ZDHHC15: variants seen among roughly 807,000 people sequenced by gnomAD.
ZDHHC15 encodes the protein zDHHC palmitoyltransferase 15.
ZDHHC15 carries 19 observed loss-of-function variants against 31.7 expected under a neutral mutation model. That is an observed-to-expected ratio of 0.60 (90% confidence interval 0.42 to 0.88). The LOEUF is 0.88. Ranked by LOEUF, ZDHHC15 falls within the 40% of genes least tolerant of loss-of-function variation. The probability of loss-of-function intolerance (pLI) is 0.00; values close to 1 mark genes in which losing one functional copy is unlikely to be tolerated. For synonymous variants in ZDHHC15, 103 were observed against 90.0 expected (o/e 1.14, Z -0.82); for missense variants, 209 against 251.2 (o/e 0.83, Z 1.14).
At chrX:75,497,822 C>T (rs991958926) in intron 2 of ZDHHC15, among the ~76,000 whole-genome samples, 3 of 111,176 alleles carry the variant, frequency 2.7e-5, no homozygotes, top group African/African-American at 9.8e-5. Context: ...AGAAGGGATA[C>T]ACCTTATGGC....
At chrX:75,480,917 A>T (rs1338239226) in intron 2 of ZDHHC15, among the ~76,000 whole-genome samples, 1 of 111,677 alleles carries the variant, frequency 9.0e-6, no homozygotes, top group African/African-American at 3.3e-5. Flanking sequence ...ACTGCCATTA[A>T]GAATATTTGT....
At chrX:75,404,649 G>T (rs2083391954) in intron 10 of ZDHHC15, among the ~76,000 whole-genome samples, 1 of 112,085 alleles carries the variant, frequency 8.9e-6, no homozygotes, top group African/African-American at 3.2e-5. Context: ...CTGATCATTA[G>T]AGAAATGCAA....
intron 10 of ZDHHC15, among the ~76,000 whole-genome samples, chrX:75,395,173 G>A (rs144741343): frequency 1.8e-5 from 2 of 111,575 alleles, no homozygotes; most frequent in East Asian, 5.6e-4. Flanking sequence ...TTTCACTACT[G>A]TGATTCAACA....
At chrX:75,399,575 G>T (rs1298244905) in intron 10 of ZDHHC15, among the ~76,000 whole-genome samples, 2 of 111,206 alleles carry the variant, frequency 1.8e-5, no homozygotes, top group African/African-American at 6.5e-5. Flanking sequence ...ACGACCCTTG[G>T]TCACAACCAC....
chrX:75,390,252 A>T (rs748248309), intron 10 of ZDHHC15, among the ~76,000 whole-genome samples: 1 of 112,448 alleles, frequency 8.9e-6, no homozygotes, highest in Non-Finnish European at 1.9e-5. Context: ...TGACTCCCAG[A>T]TGGCATCTCT....
Position 75,424,127 on chromosome X carries a change from A to G in ZDHHC15, c.736+525T>C, listed in dbSNP as rs137997436. 8.5e-3 allele frequency among the ~76,000 whole-genome samples: 944 copies of G among 111,178 alleles called. 14 individuals are homozygous for G. Among genetic ancestry groups the G allele is most frequent in the African/African-American group, 0.03 (909 of 30,612 alleles). On this transcript the variant is annotated intron_variant, in intron 8 of 11. Transcript: ENST00000373367. ...TTCAATGTATTTATCTCATTCCCATAGTACCTAAACAGCCCCTTGATGATT... is the reference window on the plus strand; with the variant it reads ...TTCAATGTATTTATCTCATTCCCATGGTACCTAAACAGCCCCTTGATGATT...
chrX:75,422,147 A>G (rs1184444384), intron 8 of ZDHHC15, among the ~76,000 whole-genome samples, 157 bp from the exon 9 acceptor site: 1 of 112,218 alleles, frequency 8.9e-6, no homozygotes, highest in African/African-American at 3.2e-5. Flanking sequence ...AGGTATTGCT[A>G]AATTGCTTAG....
chrX:75,443,022 A>G (rs1262504591), intron 4 of ZDHHC15, among the ~76,000 whole-genome samples: 4 of 110,088 alleles, frequency 3.6e-5, no homozygotes, highest in African/African-American at 6.6e-5. Flanking sequence ...CAATATTGAG[A>G]AAATGGCCAT....
At chrX:75,502,924 T>C (rs2085108699) in intron 2 of ZDHHC15, among the ~76,000 whole-genome samples, 1 of 111,003 alleles carries the variant, frequency 9.0e-6, no homozygotes, top group African/African-American at 3.3e-5. Context: ...GATCTAGTAT[T>C]TGATGGCACA....
chrX:75,511,485 T>G (rs1270442022), intron 1 of ZDHHC15, among the ~76,000 whole-genome samples: 1 of 67,333 alleles, frequency 1.5e-5, no homozygotes, highest in Non-Finnish European at 2.8e-5. Flanking sequence ...TAGCCCTTTG[T>G]CAGATGAGTA....
intron 3 of ZDHHC15, among the ~76,000 whole-genome samples, chrX:75,468,377 T>C (rs1404624905): frequency 1.8e-5 from 2 of 112,050 alleles, no homozygotes. Context: ...ATCCGTGTTG[T>C]ACCATGTATC....
At chrX:75,393,099 A>G (rs1320208996) in intron 10 of ZDHHC15, among the ~76,000 whole-genome samples, 1 of 110,540 alleles carries the variant, frequency 9.0e-6, no homozygotes, top group Non-Finnish European at 1.9e-5. Flanking sequence ...TTCCATGCAT[A>G]CTCTTTCTTA....
intron 2 of ZDHHC15, among the ~76,000 whole-genome samples, chrX:75,486,254 C>T (rs1173950059): frequency 9.0e-6 from 1 of 111,716 alleles, no homozygotes; most frequent in Non-Finnish European, 1.9e-5. Context: ...ATATAAAAGT[C>T]GAAGAAGCAG....
At chrX:75,376,048 C>A (rs1054835563) in intron 11 of ZDHHC15, among the ~76,000 whole-genome samples, 1 of 111,507 alleles carries the variant, frequency 9.0e-6, no homozygotes, top group Non-Finnish European at 1.9e-5. Context: ...ACCCTTTTCT[C>A]TGGAGCTTCA....
At chrX:75,491,814 T>A (rs1052537464) in intron 2 of ZDHHC15, among the ~76,000 whole-genome samples, 10 of 110,881 alleles carry the variant, frequency 9.0e-5, no homozygotes, top group Non-Finnish European at 1.7e-4. Flanking sequence ...AAAGGAATGA[T>A]CAGTACCAGC....
rs2084671277 is a variant in ZDHHC15 at position 75,480,424 on chromosome X, G to A, written c.164-1439C>T. Among the ~76,000 whole-genome samples, 6 of 110,957 alleles carry A rather than the reference G, an allele frequency of 5.4e-5. No individual in the cohort carries two copies. The South Asian group carries it at 2.3e-3, about 42-fold the overall frequency. ...TGTACACCACAAACATGAAAGATTT[G>A]TAATATTTTAACATTTTTAATTGTA... On this transcript the variant is annotated intron_variant, in intron 2 of 11. Transcript: ENST00000373367.
intron 4 of ZDHHC15, among the ~76,000 whole-genome samples, chrX:75,450,213 T>C (rs1289034636): frequency 9.0e-6 from 1 of 111,676 alleles, no homozygotes; most frequent in Non-Finnish European, 1.9e-5. Flanking sequence ...TATATAAAAT[T>C]TGAGAGCAGA....
chrX:75,489,874 C>A (rs1282398208), intron 2 of ZDHHC15, among the ~76,000 whole-genome samples: 2 of 111,690 alleles, frequency 1.8e-5, no homozygotes, highest in Admixed American at 9.5e-5. Context: ...ACTAGAATAA[C>A]CAATGCAGAG....
intron 10 of ZDHHC15, among the ~76,000 whole-genome samples, chrX:75,387,631 A>T (rs1472364660): frequency 8.9e-6 from 1 of 111,943 alleles, no homozygotes; most frequent in Non-Finnish European, 1.9e-5. Context: ...AAAGAATGAA[A>T]AGGAAAAGAG....
Sources: allele counts gnomAD v4.1 joint callset (sites outside exome capture counted in the v4.1 genomes callset), GRCh38; gene constraint gnomAD v4.1.1; transcripts MANE v1.5; gene names NCBI Gene and HGNC (gene_info 2026-07-23, HGNC 2026-07-21).